The following NPEPPS variants were observed in gnomAD, a reference collection of about 807,000 sequenced individuals.
NPEPPS encodes puromycin-sensitive aminopeptidase.
In NPEPPS, 14 loss-of-function variants were observed where a neutral mutation model predicts 115.5. That is an observed-to-expected ratio of 0.12 (90% CI 0.08 to 0.19). The LOEUF is 0.19. NPEPPS is among the 10% of genes least tolerant of loss of function. The probability of loss-of-function intolerance (pLI) is 1.00; values close to 1 mark genes in which losing one functional copy is unlikely to be tolerated. For missense variants in NPEPPS, 523 were observed against 1,110.8 expected, an observed-to-expected ratio of 0.47 and a Z score of 7.52; for synonymous variants, 285 against 390.6, an observed-to-expected ratio of 0.73 and a Z score of 3.19.
Position 47,586,956 on chromosome 17 carries a change from A to G in NPEPPS, c.981-274A>G, listed in dbSNP as rs548288261. 514 of 406,614 alleles carry G rather than the reference A, an allele frequency of 1.3e-3. 1 individual carries two copies. Among genetic ancestry groups the G allele is most frequent in the Admixed American group, 4.5e-3 (116 of 25,740 alleles). The allele number at this position is 406,614 out of a possible 1,614,324, so 25.2% of individuals were successfully genotyped here. A position where few individuals can be genotyped will look rare whatever the true frequency, so the allele number is the denominator to read the frequency against. On this transcript the variant is annotated intron_variant, in intron 8 of 22. Transcript: ENST00000322157. ...TCTCCATCTAGCACAGTAATCGCTA[A>G]TCCCTTAGACAATGTTTTCCCAAAA...
intron 1 of NPEPPS, among the ~76,000 whole-genome samples, chr17:47,534,325 C>T (rs1167447851): frequency 1.3e-5 from 2 of 152,110 alleles, no homozygotes; most frequent in Non-Finnish European, 2.9e-5. Context: ...GTGATCTGCC[C>T]GCCTTGGCCT....
chr17:47,550,389 G>A (rs1164355766), intron 2 of NPEPPS, among the ~76,000 whole-genome samples: 16 of 146,274 alleles, frequency 1.1e-4, no homozygotes, highest in African/African-American at 3.5e-4. Flanking sequence ...GTACAGTGGC[G>A]CAATGTCGGC....
intron 3 of NPEPPS, among the ~76,000 whole-genome samples, chr17:47,572,039 G>A (rs1417823695): frequency 3.2e-5 from 4 of 123,590 alleles, no homozygotes; most frequent in African/African-American, 7.9e-5. Context: ...AGTAGTGAGC[G>A]GGCAGCCACT....
intron 12 of NPEPPS, among the ~76,000 whole-genome samples, chr17:47,593,107 A>C (rs936288843): frequency 1.3e-5 from 2 of 152,340 alleles, no homozygotes; most frequent in African/African-American, 2.4e-5. Flanking sequence ...ATATTCCAAA[A>C]TCCAAAAGAA....
intron 3 of NPEPPS, among the ~76,000 whole-genome samples, chr17:47,578,213 A>G (rs1567855308): frequency 8.1e-6 from 1 of 123,686 alleles, no homozygotes; most frequent in African/African-American, 2.6e-5. Flanking sequence ...AAAAAAAAAA[A>G]AAAAGAGAGA....
intron 12 of NPEPPS, among the ~76,000 whole-genome samples, chr17:47,595,862 A>G (rs1357949966): frequency 2.0e-5 from 3 of 151,848 alleles, no homozygotes. Flanking sequence ...CATGCCTGTA[A>G]TCCCAGCTAC....
chr17:47,600,129 C>CA (rs1259737916), intron 14 of NPEPPS, among the ~76,000 whole-genome samples: 17 of 152,090 alleles, frequency 1.1e-4, no homozygotes, highest in Non-Finnish European at 1.5e-5. Context: ...TAGAATTACT[C>CA]TTTTAATGAA....
intron 1 of NPEPPS, among the ~76,000 whole-genome samples, chr17:47,535,060 C>T (rs1273092848): frequency 2.0e-5 from 3 of 147,920 alleles, no homozygotes; most frequent in African/African-American, 5.0e-5. Flanking sequence ...CTGGCTAACA[C>T]GGTGAAACCC....
chr17:47,620,233 AAAAG>A (rs1567875735), intron 22 of NPEPPS: 1 of 154,130 alleles, frequency 6.5e-6, no homozygotes, highest in Non-Finnish European at 1.4e-5. Context: ...AAAAAAAAAA[AAAAG>A]TCCTAAAAAT....
intron 13 of NPEPPS, among the ~76,000 whole-genome samples, chr17:47,597,142 A>C (rs561022975): frequency 6.7e-6 from 1 of 149,524 alleles, no homozygotes; most frequent in East Asian, 2.0e-4. Context: ...TGTAGAAAAA[A>C]CATTTGGTAA....
intron 19 of NPEPPS, among the ~76,000 whole-genome samples, chr17:47,614,945 A>G (rs959393296): frequency 6.6e-6 from 1 of 152,208 alleles, no homozygotes; most frequent in Non-Finnish European, 1.5e-5. Flanking sequence ...TTGCAGATCT[A>G]AATTCTGATA....
chr17:47,561,707 A>G (rs113781635), intron 2 of NPEPPS, among the ~76,000 whole-genome samples: 16 of 152,176 alleles, frequency 1.1e-4, no homozygotes, highest in African/African-American at 3.6e-4. Context: ...AATATACTCT[A>G]ATCATCCCCC....
intron 3 of NPEPPS, among the ~76,000 whole-genome samples, chr17:47,578,062 AG>A (rs1276469317): frequency 5.9e-5 from 9 of 152,002 alleles, no homozygotes; most frequent in Non-Finnish European, 7.4e-5. Flanking sequence ...AAAATTAGCC[AG>A]GCGTGGTGAT....
intron 13 of NPEPPS, among the ~76,000 whole-genome samples, chr17:47,598,897 C>T (rs1194626013): frequency 2.6e-5 from 4 of 152,062 alleles, no homozygotes; most frequent in African/African-American, 9.7e-5. Flanking sequence ...ACTTATAATC[C>T]TAGCACTTTA....
At chr17:47,600,727 A>T (rs187226917) in intron 14 of NPEPPS, among the ~76,000 whole-genome samples, 207 of 152,276 alleles carry the variant, frequency 1.4e-3, no homozygotes, top group African/African-American at 4.7e-3. Context: ...TGGCATCTTA[A>T]TGCCAAGTCT....
At chr17:47,530,691 C>T (rs892021008), upstream of NPEPPS, among the ~76,000 whole-genome samples, 2 of 152,152 alleles carry the variant, frequency 1.3e-5, no homozygotes, top group African/African-American at 4.8e-5. Flanking sequence ...TCAAATCATC[C>T]TTTGAATTTG....
chr17:47,599,826 C>T (rs549242738), intron 14 of NPEPPS, 87 bp downstream of exon 14: 86 of 901,744 alleles, frequency 9.5e-5, no homozygotes, highest in South Asian at 3.1e-4. Context: ...GGAAATTTTT[C>T]TTTTTTTTTT....
At chr17:47,526,606 A>G (rs1907441871), upstream of NPEPPS, among the ~76,000 whole-genome samples, 1 of 152,252 alleles carries the variant, frequency 6.6e-6, no homozygotes, top group African/African-American at 2.4e-5. Context: ...GCTTTAACAG[A>G]CATAATGAAA....
At chr17:47,545,580 G>C (rs1909146148) in intron 1 of NPEPPS, among the ~76,000 whole-genome samples, 1 of 152,004 alleles carries the variant, frequency 6.6e-6, no homozygotes, top group Non-Finnish European at 1.5e-5. Context: ...ACAGAGTCTT[G>C]CTCAGTTGCC....
Sources: allele counts gnomAD v4.1 joint callset (sites outside exome capture counted in the v4.1 genomes callset), GRCh38; gene constraint gnomAD v4.1.1; transcripts MANE v1.5; gene names NCBI Gene and HGNC (gene_info 2026-07-23, HGNC 2026-07-21).